TPST2: variants seen among roughly 807,000 people sequenced by gnomAD.
The protein encoded by TPST2 is protein-tyrosine sulfotransferase 2.
A neutral mutation model predicts 27.8 loss-of-function variants in TPST2; 16 were observed. The observed-to-expected ratio is 0.58, with a 90% confidence interval of 0.39 to 0.88. TPST2 has a LOEUF of 0.88. TPST2 is among the 40% of genes least tolerant of loss of function. The pLI is 0.00. For missense variants in TPST2, 464 were observed against 543.1 expected (o/e 0.85, Z 1.45); for synonymous variants, 229 against 231.7 (o/e 0.99, Z 0.10).
At chr22:26,553,154 C>T (rs560577011) in intron 1 of TPST2, among the ~76,000 whole-genome samples, 4 of 151,630 alleles carry the variant, frequency 2.6e-5, no homozygotes, top group South Asian at 2.1e-4. Context: ...TACAGTGAGC[C>T]GAGGTGGAAG....
Position 26,541,512 on chromosome 22 carries a change from C to T in TPST2, c.119G>A (p.Ser40Asn). The T allele has an allele frequency of 6.2e-7, 1 of 1,611,730 alleles. No individual in the cohort carries two copies. The change falls in exon 3 of 7, where the codon AGC becomes AAC. Residue 40 changes from serine (S) to asparagine (N), a missense_variant. Ser to Asn is a conservative substitution (Grantham distance 46). Transcript: ENST00000338754. The surrounding 1 kb of genome is among the most constrained non-coding windows in gnomAD (Gnocchi z 5.9). ...ECRAVLAGLR[S>N]PRGAMRPEQE... Reference sequence around the variant, plus strand: ...CTCAGGCCGCATGGCCCCCCGGGGGCTCCGCAGGCCCGCCAGCACCGCCCG... The same window carrying T: ...CTCAGGCCGCATGGCCCCCCGGGGGTTCCGCAGGCCCGCCAGCACCGCCCG...
rs1339417505 is a variant in TPST2 at position 26,558,188 on chromosome 22, G to A, written c.-160-13513C>T. Among the ~76,000 whole-genome samples, 3 of 148,094 alleles carry A rather than the reference G, an allele frequency of 2.0e-5. No individual in the cohort carries two copies. The South Asian group carries it at 6.3e-4, about 31-fold the overall frequency. On this transcript the variant is annotated intron_variant, in intron 1 of 6. Coordinates refer to ENST00000338754, the MANE Select transcript of TPST2 (RefSeq NM_003595.5). ...ACACATATATATGTCGCCCAGGCTG[G>A]AGTGCAATGGAGCAATCACAGCTCA... is the stretch of plus-strand genomic sequence containing the variant.
chr22:26,567,328 G>C (rs1235804271), intron 1 of TPST2, among the ~76,000 whole-genome samples: 1 of 152,246 alleles, frequency 6.6e-6, no homozygotes. Context: ...CCAAGGGTAG[G>C]AAATGGGCCT....
At chr22:26,543,673 T>C (rs548387570) in intron 2 of TPST2, among the ~76,000 whole-genome samples, 12 of 152,336 alleles carry the variant, frequency 7.9e-5, no homozygotes, top group African/African-American at 2.9e-4. Context: ...CTAAAGCATT[T>C]TCCCTGCAGT....
At chr22:26,577,728 G>A (rs766571137) in intron 1 of TPST2, among the ~76,000 whole-genome samples, 1 of 144,962 alleles carries the variant, frequency 6.9e-6, no homozygotes, top group African/African-American at 2.6e-5. Context: ...GCACAAGCTC[G>A]GCTCACTGCA....
At chr22:26,560,508 G>A in intron 1 of TPST2, 1 of 820,212 alleles carries the variant, frequency 1.2e-6, no homozygotes. Context: ...GTGCCTCGCT[G>A]AGGAAAAATA....
At chr22:26,535,399 G>C (rs534245595) in intron 4 of TPST2, among the ~76,000 whole-genome samples, 2 of 152,192 alleles carry the variant, frequency 1.3e-5, no homozygotes, top group Non-Finnish European at 2.9e-5. Flanking sequence ...AAGTAAACTA[G>C]AAGCTGTAAT....
At chr22:26,571,852 T>A (rs576727065) in intron 1 of TPST2, among the ~76,000 whole-genome samples, 1 of 152,122 alleles carries the variant, frequency 6.6e-6, no homozygotes, top group East Asian at 1.9e-4. Flanking sequence ...TGCATTACAC[T>A]CAACACCCCC....
intron 1 of TPST2, among the ~76,000 whole-genome samples, chr22:26,570,021 A>C (rs374452411): frequency 8.2e-4 from 75 of 91,414 alleles, no homozygotes; most frequent in South Asian, 2.1e-3. Flanking sequence ...GAAAGAAAGA[A>C]AGAAAGAAAG....
At chr22:26,578,707 G>A (rs889370878) in intron 1 of TPST2, among the ~76,000 whole-genome samples, 2 of 152,050 alleles carry the variant, frequency 1.3e-5, no homozygotes, top group African/African-American at 4.8e-5. Flanking sequence ...ACACAGGGGT[G>A]CACTGTTCCC....
chr22:26,580,165 G>C (rs761729639), intron 1 of TPST2, among the ~76,000 whole-genome samples: 4 of 152,200 alleles, frequency 2.6e-5, no homozygotes, highest in Non-Finnish European at 5.9e-5. Context: ...AATTGCTTGA[G>C]CCCAGGAGTT....
intron 2 of TPST2, among the ~76,000 whole-genome samples, chr22:26,543,678 T>C (rs998243193): frequency 6.6e-6 from 1 of 152,234 alleles, no homozygotes; most frequent in African/African-American, 2.4e-5. Flanking sequence ...GCATTTTCCC[T>C]GCAGTATCTA....
At chr22:26,562,426 A>G (rs1302401547) in intron 1 of TPST2, among the ~76,000 whole-genome samples, 1 of 152,158 alleles carries the variant, frequency 6.6e-6, no homozygotes, top group Non-Finnish European at 1.5e-5. Context: ...AAGCCAGTCC[A>G]TGTGCCATTT....
At chr22:26,579,103 G>A (rs73163224) in intron 1 of TPST2, among the ~76,000 whole-genome samples, 2,586 of 152,186 alleles carry the variant, frequency 0.017, 89 homozygotes, top group East Asian at 0.16. Flanking sequence ...TGATCCGCCC[G>A]CATTGGCCTC....
intron 1 of TPST2, among the ~76,000 whole-genome samples, chr22:26,576,031 T>TAAAATA (rs71192944): frequency 1.9e-4 from 28 of 150,128 alleles, no homozygotes; most frequent in Non-Finnish European, 3.0e-4. Flanking sequence ...AAAAAATAAA[T>TAAAATA]AAATAAAATA....
At chr22:26,551,374 A>G (rs1183848270) in intron 1 of TPST2, among the ~76,000 whole-genome samples, 1 of 152,188 alleles carries the variant, frequency 6.6e-6, no homozygotes, top group Admixed American at 6.5e-5. Context: ...GGTTTTACAT[A>G]TATCATTGCA....
chr22:26,524,371 C>G lies in TPST2; in HGVS notation c.*1904G>C, dbSNP rs1184190428. 1 of 151,976 alleles carries G rather than the reference C, an allele frequency of 6.6e-6. No homozygotes were observed. Among genetic ancestry groups the G allele is most frequent in the East Asian group, 1.9e-4 (1 of 5,184 alleles). The allele number at this position is 151,976 out of a possible 1,614,324, so 9.4% of individuals were successfully genotyped here. ...GAAAAAAAAAAATTTAAAAAGTAGC[C>G]AGGTGTGGTGGCACATGCCCAGCTA... On this transcript the variant is annotated 3_prime_UTR_variant, in exon 7 of 7. Transcript: ENST00000338754.
At chr22:26,566,380 G>A (rs1455744492) in intron 1 of TPST2, among the ~76,000 whole-genome samples, 6 of 152,098 alleles carry the variant, frequency 3.9e-5, no homozygotes, top group African/African-American at 1.2e-4. Context: ...GTGAAACCCC[G>A]TCTCTATTAA....
chr22:26,549,840 C>T (rs1384700140), intron 1 of TPST2, among the ~76,000 whole-genome samples: 3 of 142,212 alleles, frequency 2.1e-5, no homozygotes. Flanking sequence ...ACCATCCTGG[C>T]TAACACGGTG....
Sources: gnomAD v4.1 joint callset for allele counts (sites outside exome capture counted in the v4.1 genomes callset) on GRCh38, gnomAD v4.1.1 for gene constraint, Gnocchi (gnomAD v3.1) non-coding constraint, MANE v1.5 for transcripts, NCBI Gene and HGNC (gene_info 2026-07-23, HGNC 2026-07-21) for gene names.